Variants in NALCN observed in about 807,000 individuals in gnomAD.
NALCN encodes the protein sodium leak channel, non-selective.
In NALCN, 111 loss-of-function variants were observed where a neutral mutation model predicts 225.3. That is an observed-to-expected ratio of 0.49 (90% CI 0.42 to 0.58). NALCN has a LOEUF of 0.58. Ranked by LOEUF, NALCN falls within the 20% of genes least tolerant of loss-of-function variation. NALCN has a pLI of 0.00. For synonymous variants in NALCN, 764 were observed against 769.0 expected (o/e 0.99, Z 0.11); for missense variants, 1,378 against 2,202.4 (o/e 0.63, Z 7.49).
intron 7 of NALCN, among the ~76,000 whole-genome samples, chr13:101,312,327 A>AT (rs1312165923): frequency 6.6e-6 from 1 of 152,070 alleles, no homozygotes; most frequent in Non-Finnish European, 1.5e-5. Context: ...GGATTCATTA[A>AT]TTTTTTGAAA....
At chr13:101,285,444 C>T (rs1373757258) in intron 9 of NALCN, among the ~76,000 whole-genome samples, 1 of 151,596 alleles carries the variant, frequency 6.6e-6, no homozygotes, top group Non-Finnish European at 1.5e-5. Flanking sequence ...GGACTACAGG[C>T]ACCCGCCACA....
intron 2 of NALCN, among the ~76,000 whole-genome samples, chr13:101,395,626 G>A (rs193080628): frequency 1.9e-3 from 292 of 152,230 alleles, no homozygotes; most frequent in Non-Finnish European, 3.3e-3. Flanking sequence ...GTGGCCATGC[G>A]TTACAAAGAC....
chr13:101,219,093 G>C (rs950803595), intron 13 of NALCN, among the ~76,000 whole-genome samples: 2 of 152,002 alleles, frequency 1.3e-5, no homozygotes, highest in Non-Finnish European at 2.9e-5. Flanking sequence ...CTGGGAGTTG[G>C]GATATCAACA....
chr13:101,144,187 C>T (rs2037228347), intron 16 of NALCN, among the ~76,000 whole-genome samples: 1 of 152,108 alleles, frequency 6.6e-6, no homozygotes, highest in Non-Finnish European at 1.5e-5. Context: ...ATCTTTTATG[C>T]ATTTGCTTAA....
chr13:101,346,270 G>A (rs1004925153), intron 6 of NALCN, among the ~76,000 whole-genome samples: 3 of 151,522 alleles, frequency 2.0e-5, no homozygotes, highest in South Asian at 2.1e-4. Flanking sequence ...TCACCATTAC[G>A]GTTTTTGCCA....
intron 9 of NALCN, among the ~76,000 whole-genome samples, chr13:101,285,123 G>A (rs2043293458): frequency 6.6e-6 from 1 of 152,084 alleles, no homozygotes; most frequent in African/African-American, 2.4e-5. Flanking sequence ...ACTGCTGATG[G>A]AAATACGAAT....
intron 13 of NALCN, among the ~76,000 whole-genome samples, chr13:101,211,483 G>A (rs191254633): frequency 1.3e-5 from 2 of 151,708 alleles, no homozygotes; most frequent in African/African-American, 4.8e-5. Context: ...CTAAAAGGAA[G>A]TACACAGGAT....
At chr13:101,332,791 A>T (rs7319494) in intron 7 of NALCN, among the ~76,000 whole-genome samples, 19,665 of 152,258 alleles carry the variant, frequency 0.13, 2,215 homozygotes, top group African/African-American at 0.31. Context: ...AAATAGGGGA[A>T]GTGAGACTTG....
intron 18 of NALCN, among the ~76,000 whole-genome samples, chr13:101,121,483 G>A (rs746371072): frequency 6.6e-6 from 1 of 152,128 alleles, no homozygotes; most frequent in Non-Finnish European, 1.5e-5. Flanking sequence ...GATATTTGCC[G>A]GAATGATCCA....
intron 6 of NALCN, among the ~76,000 whole-genome samples, chr13:101,347,625 G>C (rs2045782212): frequency 6.6e-6 from 1 of 152,098 alleles, no homozygotes; most frequent in African/African-American, 2.4e-5. Flanking sequence ...AAGATGGTAA[G>C]GAGACTGGGC....
chr13:101,255,448 C>G (rs928475399), intron 11 of NALCN, among the ~76,000 whole-genome samples: 35 of 114,524 alleles, frequency 3.1e-4, no homozygotes, highest in Non-Finnish European at 6.9e-4. Flanking sequence ...ACCACCTGCC[C>G]ACCCTGTGCT....
At chr13:101,081,369 G>A (rs1038938399) in intron 34 of NALCN, among the ~76,000 whole-genome samples, 158 bp downstream of exon 34, 1 of 152,142 alleles carries the variant, frequency 6.6e-6, no homozygotes, top group Non-Finnish European at 1.5e-5. Context: ...ACACAAGCAT[G>A]TCTGAGAGCC....
At chr13:101,261,219 T>C (rs2042415654) in intron 10 of NALCN, among the ~76,000 whole-genome samples, 2 of 152,252 alleles carry the variant, frequency 1.3e-5, no homozygotes, top group South Asian at 4.1e-4. Flanking sequence ...TTCGTTGGTC[T>C]ATGTGTCTGT....
chr13:101,385,909 T>C (rs2046974309), intron 3 of NALCN, among the ~76,000 whole-genome samples: 1 of 152,192 alleles, frequency 6.6e-6, no homozygotes, highest in Admixed American at 6.5e-5. Context: ...CATCTTACAG[T>C]CAAAGTATAA....
chr13:101,309,051 T>C (rs905722401), intron 7 of NALCN, among the ~76,000 whole-genome samples: 1 of 152,240 alleles, frequency 6.6e-6, no homozygotes, highest in Admixed American at 6.5e-5. Context: ...TTTTTAAATA[T>C]AGGGTTTTGG....
chr13:101,054,501 T>C lies in NALCN; in HGVS notation c.*794A>G, dbSNP rs1199291177. On this transcript the variant is annotated 3_prime_UTR_variant, in exon 44 of 44. Transcript: ENST00000251127. ...TTGAGCTATATAGTTTTATTCTTTT[T>C]GCTAAACTCAGTTATTAAAAGGTTT... is the stretch of plus-strand genomic sequence containing the variant. 6.6e-6 allele frequency: 1 copy of C among 152,224 alleles called. No homozygotes were observed. The highest frequency in any genetic ancestry group is 1.5e-5 in the Non-Finnish European group (1 of 68,046). 9.4% of individuals were successfully genotyped at this position (152,224 alleles called of 1,614,324 possible).
rs182095899 is a variant in NALCN, at chr13:101,084,492, C to T, written c.3490-688G>A. Among the ~76,000 whole-genome samples the T allele has an allele frequency of 3.8e-3, 573 of 152,276 alleles. 4 individuals carry two copies. Among genetic ancestry groups the T allele is most frequent in the African/African-American group, 0.012 (488 of 41,564 alleles). ...CCAGAGCTAACCACTACCCTTCAGG[C>T]GTGCATCCTCCTTACTATGTTTTCA... On this transcript the variant is annotated intron_variant, in intron 30 of 43. Transcript: ENST00000251127.
intron 14 of NALCN, among the ~76,000 whole-genome samples, chr13:101,186,311 A>G (rs2039445181): frequency 6.6e-6 from 1 of 152,180 alleles, no homozygotes. Flanking sequence ...CGTTATTGCT[A>G]ATTTCCAATT....
At chr13:101,346,996 G>A (rs953347784) in intron 6 of NALCN, among the ~76,000 whole-genome samples, 1 of 152,158 alleles carries the variant, frequency 6.6e-6, no homozygotes, top group African/African-American at 2.4e-5. Flanking sequence ...AGACTTACCA[G>A]ATGACTCTTT....
Sources: gnomAD v4.1 joint callset for allele counts (sites outside exome capture counted in the v4.1 genomes callset) on GRCh38, gnomAD v4.1.1 for gene constraint, MANE v1.5 for transcripts, NCBI Gene and HGNC (gene_info 2026-07-23, HGNC 2026-07-21) for gene names.